Variants in PKHD1L1 observed in about 807,000 individuals in gnomAD.
PKHD1L1 encodes fibrocystin-L.
PKHD1L1 carries 434 observed loss-of-function variants against 462.9 expected under a neutral mutation model. The ratio of observed to expected loss-of-function variants is 0.94; its 90% CI spans 0.87 to 1.02. PKHD1L1 has a LOEUF of 1.02. PKHD1L1 is among the 50% of genes least tolerant of loss of function. The probability of loss-of-function intolerance (pLI) is 0.00; values close to 1 mark genes in which losing one functional copy is unlikely to be tolerated. For missense variants in PKHD1L1, 5,202 were observed against 5,096.1 expected (o/e 1.02, Z -0.63); for synonymous variants, 1,781 against 1,750.0 (o/e 1.02, Z -0.44).
At position 109,507,868 on chromosome 8, in the gene PKHD1L1, C is replaced by A; in HGVS notation, c.11200C>A (p.Pro3734Thr). The A allele has an allele frequency of 6.2e-7, 1 of 1,613,496 alleles. No individual in the cohort carries two copies. The change falls in exon 69 of 78, where the codon CCT becomes ACT. Residue 3734 changes from proline (P) to threonine (T), a missense_variant. This residue lies in a region of PKHD1L1 where 698 missense variants were observed against 736.3 expected (regional missense o/e 0.95). Transcript: ENST00000378402. ...MLTFLNGSRI[P>T]VTEKAPHKGI... is the part of the protein sequence containing the mutation. ...CACATTCTTGAATGGAAGTAGAATT[C>A]CTGTCACTGAGAAAGCACCTCATAA...
intron 2 of PKHD1L1, among the ~76,000 whole-genome samples, chr8:109,372,762 T>C (rs1226219704): frequency 6.6e-6 from 1 of 152,246 alleles, no homozygotes; most frequent in African/African-American, 2.4e-5. Flanking sequence ...ATTGAGATAA[T>C]CATGTGGTTT....
intron 2 of PKHD1L1, among the ~76,000 whole-genome samples, chr8:109,378,277 A>C (rs1811939304): frequency 6.6e-6 from 1 of 152,158 alleles, no homozygotes. Flanking sequence ...TTCTATTCTC[A>C]GAACAGCAGC....
chr8:109,411,707 C>A (rs1813865486), intron 19 of PKHD1L1, among the ~76,000 whole-genome samples: 1 of 152,086 alleles, frequency 6.6e-6, no homozygotes, highest in Non-Finnish European at 1.5e-5. Flanking sequence ...TTCTTTTTAC[C>A]ATTTGCACAG....
Position 109,480,044 on chromosome 8 carries a change from T to C in PKHD1L1, c.9232T>C (p.Trp3078Arg). 1.3e-6 allele frequency: 2 copies of C among 1,594,890 alleles called. No homozygotes were observed. Among genetic ancestry groups the C allele is most frequent in the South Asian group, 1.2e-5 (1 of 86,798 alleles). The change falls in exon 55 of 78, where the codon TGG (tryptophan) becomes CGG (arginine). Residue 3078 changes from tryptophan (W) to arginine (R), a missense_variant. Trp to Arg is a moderately radical substitution (Grantham distance 101). Coordinates refer to ENST00000378402, the MANE Select transcript of PKHD1L1 (RefSeq NM_177531.6). ...GCCATCAATGGAAAGACTCATTATT[T>C]GGGGGGTTCTAGAACTGGAAGATAA... is the stretch of plus-strand genomic sequence containing the variant. ...DMPSMERLII[W>R]GVLELEDKYN...
At position 109,462,009 on chromosome 8, in the gene PKHD1L1, G is replaced by T. The variant is rs917183903; in HGVS notation, c.7383+101G>T. ...TGTTTGTCAATGCTACTTATAATCT[G>T]GTAGGGGAGACAGATACATAAGTAA... is the stretch of plus-strand genomic sequence containing the variant. On this transcript the variant is annotated intron_variant, in intron 48 of 77. Transcript: ENST00000378402. The T allele has an allele frequency of 8.2e-6, 11 of 1,338,916 alleles. No homozygotes were observed. In the African/African-American group the frequency reaches 1.3e-4, roughly 16 times the overall value. The allele number at this position is 1,338,916 out of a possible 1,614,324, so 82.9% of individuals were successfully genotyped here. A position where few individuals can be genotyped will look rare whatever the true frequency, so the allele number is the denominator to read the frequency against.
intron 62 of PKHD1L1, among the ~76,000 whole-genome samples, chr8:109,492,380 C>T (rs1818876258): frequency 6.6e-6 from 1 of 151,794 alleles, no homozygotes; most frequent in Non-Finnish European, 1.5e-5. Context: ...TCTGATATTA[C>T]TAATTGGAAC....
intron 45 of PKHD1L1, 99 bp from the exon 46 acceptor site, chr8:109,456,163 C>T: frequency 7.7e-7 from 1 of 1,295,380 alleles, no homozygotes; most frequent in Non-Finnish European, 1.0e-6. Context: ...TGAGCCTCTC[C>T]AACATTGATT....
Position 109,452,772 on chromosome 8 carries a change from G to T in PKHD1L1, c.6562G>T (p.Gly2188Ter). The T allele has an allele frequency of 6.5e-7, 1 of 1,535,302 alleles. No individual in the cohort carries two copies. Among genetic ancestry groups the T allele is most frequent in the Non-Finnish European group, 8.8e-7 (1 of 1,141,882 alleles). ...DAWSSNFSWG[G>*]KSPPEEGSLV... The stretch of plus-strand genomic sequence containing the variant: ...CTGGTCCTCCAATTTCTCATGGGGG[G>T]GAAAATCTCCCCCAGAAGAAGGATC... Residue 2188 changes from glycine (G) to a stop codon, truncating the protein, a stop_gained, in exon 43 of 78, where the codon GGA becomes TGA. Transcript: ENST00000378402. LOFTEE classifies it high-confidence loss of function.
At chr8:109,413,643 G>C (rs907042030) in intron 21 of PKHD1L1, 98 bp downstream of exon 21, 7 of 1,092,444 alleles carry the variant, frequency 6.4e-6, no homozygotes, top group African/African-American at 1.6e-5. Flanking sequence ...GTTTTGGTCT[G>C]TTTGGGGAGA....
Position 109,449,444 on chromosome 8 carries a change from A to G in PKHD1L1, c.6132A>G (p.Arg2044=). 6.2e-7 allele frequency: 1 copy of G among 1,600,576 alleles called. No homozygotes were observed. The highest frequency in any genetic ancestry group is 8.5e-7 in the Non-Finnish European group (1 of 1,172,578). The change falls in exon 40 of 78, where the codon AGA becomes AGG. Residue 2044 remains arginine (R), a synonymous_variant. Coordinates refer to ENST00000378402, the MANE Select transcript of PKHD1L1 (RefSeq NM_177531.6). ...CAGAATGTGCAATTGACAGGCTTAG[A>G]TCTGATTACACAACACTATTATGTG... ...CGSECAIDRL[R]SDYTTLLCEI...
At chr8:109,427,275 A>G in intron 25 of PKHD1L1, 119 bp downstream of exon 25, 1 of 809,124 alleles carries the variant, frequency 1.2e-6, no homozygotes, top group Admixed American at 2.8e-5. Context: ...ACCATAAACT[A>G]AAATTTCTTT....
At chr8:109,506,981 A>G (rs534594242) in intron 68 of PKHD1L1, among the ~76,000 whole-genome samples, 2 of 152,298 alleles carry the variant, frequency 1.3e-5, no homozygotes, top group Admixed American at 6.5e-5. Context: ...CCAAAATACC[A>G]TCTACATTTG....
chr8:109,394,170 CAAAAAAAAAA>C (rs146708536), intron 9 of PKHD1L1, among the ~76,000 whole-genome samples: 1,447 of 63,746 alleles, frequency 0.023, 24 homozygotes, highest in African/African-American at 0.059. Flanking sequence ...GAGACTCTGT[CAAAAAAAAAA>C]AAAAAAAAAA....
chr8:109,433,412 T>C (rs1815220723), intron 28 of PKHD1L1, among the ~76,000 whole-genome samples, 196 bp downstream of exon 28: 1 of 152,208 alleles, frequency 6.6e-6, no homozygotes, highest in South Asian at 2.1e-4. Flanking sequence ...TCACAGACTA[T>C]TTCATTGTTG....
intron 67 of PKHD1L1, chr8:109,499,012 CT>C (rs1409513520): frequency 2.2e-6 from 1 of 463,520 alleles, no homozygotes; most frequent in African/African-American, 2.0e-5. Context: ...CAACAAAACA[CT>C]GGCATTTGTG....
intron 76 of PKHD1L1, among the ~76,000 whole-genome samples, chr8:109,524,583 C>G (rs1820720650): frequency 6.6e-6 from 1 of 152,108 alleles, no homozygotes. Flanking sequence ...CTACAATGTT[C>G]CAAAAGTACC....
At chr8:109,427,496 G>T (rs766737873) in intron 25 of PKHD1L1, among the ~76,000 whole-genome samples, 1 of 152,066 alleles carries the variant, frequency 6.6e-6, no homozygotes, top group Non-Finnish European at 1.5e-5. Context: ...TGCTAAGGGG[G>T]TCCCAAAGAG....
chr8:109,414,615 A>C (rs897839), intron 21 of PKHD1L1, among the ~76,000 whole-genome samples: 45,139 of 151,906 alleles, frequency 0.3, 7,282 homozygotes, highest in Admixed American at 0.43. Context: ...TATGGAGAGC[A>C]TTATTCTATT....
intron 11 of PKHD1L1, among the ~76,000 whole-genome samples, 179 bp downstream of exon 11, chr8:109,396,316 A>G (rs571748873): frequency 9.2e-5 from 14 of 152,266 alleles, no homozygotes; most frequent in African/African-American, 2.6e-4. Flanking sequence ...TTTTCCAGCA[A>G]GGGTCACTCC....
Sources: gnomAD v4.1 joint callset for allele counts (sites outside exome capture counted in the v4.1 genomes callset) on GRCh38, gnomAD v4.1.1 for gene constraint, gnomAD v4.1.1 regional missense constraint, MANE v1.5 for transcripts, NCBI Gene and HGNC (gene_info 2026-07-23, HGNC 2026-07-21) for gene names.